The following SIPA1L3 variants were observed in gnomAD, a reference collection of about 807,000 sequenced individuals.
The protein encoded by SIPA1L3 is signal-induced proliferation-associated 1-like protein 3.
SIPA1L3 carries 59 observed loss-of-function variants against 150.1 expected under a neutral mutation model. The observed-to-expected ratio is 0.39, with a 90% CI of 0.32 to 0.49. The LOEUF (loss-of-function observed/expected upper bound fraction) is 0.49, where lower values mean the gene tolerates loss of function less well. Ranked by LOEUF, SIPA1L3 falls within the 20% of genes least tolerant of loss-of-function variation. The probability of loss-of-function intolerance (pLI) is 0.86; values close to 1 mark genes in which losing one functional copy is unlikely to be tolerated. For missense variants in SIPA1L3, 2,211 were observed against 2,489.5 expected (o/e 0.89, Z 2.38); for synonymous variants, 1,070 against 1,077.6 (o/e 0.99, Z 0.14).
At chr19:38,119,278 A>C in intron 8 of SIPA1L3, 28 bp from the exon 9 acceptor site, 2 of 1,578,236 alleles carry the variant, frequency 1.3e-6, no homozygotes, top group Non-Finnish European at 1.7e-6. Context: ...CTTTCTTCCC[A>C]CCATCTAAAT....
At chr19:38,161,790 A>G (rs1972094680) in intron 13 of SIPA1L3, among the ~76,000 whole-genome samples, 2 of 151,570 alleles carry the variant, frequency 1.3e-5, no homozygotes, top group South Asian at 2.1e-4. Context: ...GCTCACGCCT[A>G]TCATCCCAGC....
intron 16 of SIPA1L3, among the ~76,000 whole-genome samples, chr19:38,183,272 G>A (rs563890673): frequency 2.0e-5 from 3 of 152,178 alleles, no homozygotes; most frequent in Admixed American, 2.0e-4. Context: ...TTCCAGGGTC[G>A]CTGTGGCTGC....
intron 1 of SIPA1L3, among the ~76,000 whole-genome samples, chr19:37,962,463 CTTT>C (rs71177491): frequency 5.6e-4 from 41 of 73,086 alleles, no homozygotes; most frequent in African/African-American, 2.4e-3. Context: ...TGCAGCCGGC[CTTT>C]TTTTTTTTTT....
intron 1 of SIPA1L3, among the ~76,000 whole-genome samples, chr19:38,007,123 G>A (rs910748485): frequency 2.6e-5 from 4 of 152,162 alleles, no homozygotes; most frequent in South Asian, 2.1e-4. Flanking sequence ...TTCAAGACCA[G>A]CCCGGCCAAT....
chr19:38,074,212 C>T (rs1455518652), intron 2 of SIPA1L3, among the ~76,000 whole-genome samples: 1 of 152,170 alleles, frequency 6.6e-6, no homozygotes, highest in Non-Finnish European at 1.5e-5. Context: ...CAGGAAGACT[C>T]GACTGCAGCT....
intron 16 of SIPA1L3, chr19:38,185,364 G>C (rs1273318701): frequency 6.6e-6 from 1 of 152,178 alleles, no homozygotes; most frequent in Non-Finnish European, 1.5e-5. Flanking sequence ...TTTTCAGTGT[G>C]GCCCAAGTTG....
intron 2 of SIPA1L3, among the ~76,000 whole-genome samples, chr19:38,064,291 T>C (rs1402499595): frequency 6.6e-6 from 1 of 152,224 alleles, no homozygotes; most frequent in Non-Finnish European, 1.5e-5. Flanking sequence ...AAGGAGCCTT[T>C]GCTCAAGGTG....
chr19:37,929,017 A>G (rs1391391964), intron 1 of SIPA1L3, among the ~76,000 whole-genome samples: 1 of 152,240 alleles, frequency 6.6e-6, no homozygotes, highest in Non-Finnish European at 1.5e-5. Flanking sequence ...CACATCCAGC[A>G]GCAGAAAGAG....
chr19:38,042,167 G>A lies in SIPA1L3; in HGVS notation c.-311+13011G>A, dbSNP rs140303439. ...CTTTCCGCCATGTTCTTTTCTGGGAGTTTTATGGTTTCAAATCTTACATTT... is the reference window on the plus strand; with the variant it reads ...CTTTCCGCCATGTTCTTTTCTGGGAATTTTATGGTTTCAAATCTTACATTT... On this transcript the variant is annotated intron_variant, in intron 2 of 21. Transcript: ENST00000222345. Among the ~76,000 whole-genome samples the A allele has an allele frequency of 4.0e-3, 607 of 152,242 alleles. 4 individuals carry two copies. The highest frequency in any genetic ancestry group is 6.2e-3 in the Non-Finnish European group (419 of 68,008).
At chr19:38,071,091 G>A (rs766425113) in intron 2 of SIPA1L3, among the ~76,000 whole-genome samples, 5 of 152,132 alleles carry the variant, frequency 3.3e-5, no homozygotes, top group Non-Finnish European at 5.9e-5. Context: ...GGGCACACTC[G>A]GGCACCAAGC....
At chr19:38,150,355 G>A (rs185301776) in intron 12 of SIPA1L3, among the ~76,000 whole-genome samples, 122 of 152,022 alleles carry the variant, frequency 8.0e-4, no homozygotes, top group African/African-American at 2.7e-3. Flanking sequence ...TTAGGGCAGG[G>A]TCCCTGTAGA....
chr19:38,018,873 A>T (rs1417481461), intron 1 of SIPA1L3, among the ~76,000 whole-genome samples: 2 of 152,146 alleles, frequency 1.3e-5, no homozygotes, highest in Non-Finnish European at 2.9e-5. Context: ...TACCCCACAC[A>T]GTGTCCAGAG....
intron 1 of SIPA1L3, among the ~76,000 whole-genome samples, chr19:37,942,627 G>C (rs1194242159): frequency 2.6e-5 from 4 of 152,038 alleles, no homozygotes; most frequent in Non-Finnish European, 1.5e-5. Flanking sequence ...CTACGGCGTG[G>C]AGCATAGATT....
At chr19:37,943,924 C>G (rs2046685412) in intron 1 of SIPA1L3, among the ~76,000 whole-genome samples, 1 of 152,016 alleles carries the variant, frequency 6.6e-6, no homozygotes, top group African/African-American at 2.4e-5. Flanking sequence ...TTTAAAAAAT[C>G]TTTACTGCTT....
At chr19:38,063,756 C>T (rs981885956) in intron 2 of SIPA1L3, among the ~76,000 whole-genome samples, 10 of 152,314 alleles carry the variant, frequency 6.6e-5, no homozygotes, top group African/African-American at 2.4e-4. Context: ...TGTGGGGCCC[C>T]AGTGTTCCCC....
chr19:38,081,752 G>GCCACCA lies in SIPA1L3; in HGVS notation c.190_195dup (p.Thr64_Thr65dup), dbSNP rs779378262. ...GGCCACCGCCACCGCCACCGCCACCGCCACCACCCGCCCCAGCCCCACCAC... is the reference window on the plus strand; with the variant it reads ...GGCCACCGCCACCGCCACCGCCACCGCCACCACCACCACCCGCCCCAGCCCCACCAC... On this transcript the variant is annotated inframe_insertion, in exon 3 of 22. Coordinates refer to ENST00000222345, the MANE Select transcript of SIPA1L3 (RefSeq NM_015073.3). 7 of 1,599,126 alleles carry GCCACCA rather than the reference G, an allele frequency of 4.4e-6. No homozygotes were observed. The Admixed American group carries it at 8.5e-5, about 20-fold the overall frequency.
In SIPA1L3 at chr19:38,198,387, A is replaced by G; in HGVS notation, c.4841-2A>G. 1.3e-6 allele frequency: 2 copies of G among 1,542,952 alleles called. No homozygotes were observed. The highest frequency in any genetic ancestry group is 1.7e-6 in the Non-Finnish European group (2 of 1,146,490). Reference sequence around the variant, plus strand: ...ACTGCCATCTCCACCCTCCCCATCCAGCCACCATCTCAGCCTCGGAGCTCT... The same window carrying G: ...ACTGCCATCTCCACCCTCCCCATCCGGCCACCATCTCAGCCTCGGAGCTCT... On this transcript the variant is annotated splice_acceptor_variant, in intron 18 of 21. Coordinates refer to ENST00000222345, the MANE Select transcript of SIPA1L3 (RefSeq NM_015073.3). LOFTEE classifies it high-confidence loss of function.
chr19:38,124,695 A>T (rs1600104135), intron 9 of SIPA1L3, among the ~76,000 whole-genome samples: 1 of 152,136 alleles, frequency 6.6e-6, no homozygotes, highest in Admixed American at 6.5e-5. Flanking sequence ...ACGCCACTGC[A>T]CTCCAGCCTG....
At chr19:37,970,304 A>G (rs1467108236) in intron 1 of SIPA1L3, among the ~76,000 whole-genome samples, 1 of 152,218 alleles carries the variant, frequency 6.6e-6, no homozygotes, top group East Asian at 1.9e-4. Flanking sequence ...GGGCCAGTGG[A>G]GATGGTATAT....
Sources: gnomAD v4.1 joint callset for allele counts (sites outside exome capture counted in the v4.1 genomes callset) on GRCh38, gnomAD v4.1.1 for gene constraint, MANE v1.5 for transcripts, NCBI Gene and HGNC (gene_info 2026-07-23, HGNC 2026-07-21) for gene names.